Variants in JARID2 observed in about 807,000 individuals in gnomAD.
JARID2 encodes jumonji and AT-rich interaction domain containing 2.
A neutral mutation model predicts 125.6 loss-of-function variants in JARID2; 21 were observed. The ratio of observed to expected loss-of-function variants is 0.17; its 90% CI spans 0.12 to 0.24. JARID2 has a LOEUF of 0.24. Among genes scored for constraint, JARID2 ranks in the 10% least tolerant of loss-of-function variants. The pLI, the probability that JARID2 is intolerant of heterozygous loss-of-function variation, is 1.00. For missense variants in JARID2, 1,303 were observed against 1,639.6 expected, an observed-to-expected ratio of 0.79 and a Z score of 3.55; for synonymous variants, 736 against 661.6, an observed-to-expected ratio of 1.11 and a Z score of -1.73.
At chr6:15,300,929 C>G (rs1411475162) in intron 1 of JARID2, among the ~76,000 whole-genome samples, 2 of 152,082 alleles carry the variant, frequency 1.3e-5, no homozygotes, top group Non-Finnish European at 1.5e-5. Context: ...TACCCACACT[C>G]TATCAGTGGT....
chr6:15,465,065 C>T (rs1289918263), intron 4 of JARID2, among the ~76,000 whole-genome samples: 1 of 152,158 alleles, frequency 6.6e-6, no homozygotes, highest in Non-Finnish European at 1.5e-5. Flanking sequence ...TCTTTCCCAG[C>T]ACCCAGCAGG....
chr6:15,413,000 G>GTTTTT (rs1561845196), intron 3 of JARID2, among the ~76,000 whole-genome samples: 12 of 65,050 alleles, frequency 1.8e-4, no homozygotes, highest in African/African-American at 7.2e-4. Flanking sequence ...GGAAGAGCTT[G>GTTTTT]TGTTTTTGTT....
chr6:15,472,412 C>T (rs1482856528), intron 5 of JARID2, among the ~76,000 whole-genome samples: 1 of 152,102 alleles, frequency 6.6e-6, no homozygotes, highest in Non-Finnish European at 1.5e-5. Context: ...TTTTCTGAGA[C>T]TTGTAGATAA....
intron 2 of JARID2, among the ~76,000 whole-genome samples, chr6:15,406,258 A>AC (rs1765645093): frequency 6.6e-6 from 1 of 151,966 alleles, no homozygotes; most frequent in South Asian, 2.1e-4. Flanking sequence ...ACATGGTGAA[A>AC]CCCCGTCTCT....
chr6:15,468,131 G>C (rs1331540727), intron 4 of JARID2, among the ~76,000 whole-genome samples: 1 of 148,218 alleles, frequency 6.7e-6, no homozygotes, highest in East Asian at 2.0e-4. Flanking sequence ...TTTATATAAT[G>C]AAATGTTATA....
At chr6:15,455,914 C>T (rs1048490632) in intron 4 of JARID2, among the ~76,000 whole-genome samples, 3 of 152,212 alleles carry the variant, frequency 2.0e-5, no homozygotes, top group Non-Finnish European at 4.4e-5. Context: ...TTGCTGTCGG[C>T]ATTTTGCTTA....
At chr6:15,356,843 C>T (rs1420289223) in intron 1 of JARID2, among the ~76,000 whole-genome samples, 3 of 151,970 alleles carry the variant, frequency 2.0e-5, no homozygotes, top group Non-Finnish European at 2.9e-5. Context: ...GGTGAAACCC[C>T]ATCTCTATTA....
intron 16 of JARID2, among the ~76,000 whole-genome samples, chr6:15,513,628 C>A (rs1771389210): frequency 6.6e-6 from 1 of 152,216 alleles, no homozygotes; most frequent in Non-Finnish European, 1.5e-5. Context: ...CAGAGGCTGT[C>A]CCTCTGTTCT....
intron 5 of JARID2, among the ~76,000 whole-genome samples, chr6:15,471,432 T>C (rs949731108): frequency 6.6e-6 from 1 of 152,208 alleles, no homozygotes; most frequent in East Asian, 1.9e-4. Flanking sequence ...AACATGGAAT[T>C]ACCCTCATCT....
At chr6:15,254,464 A>G (rs1205102405) in intron 1 of JARID2, among the ~76,000 whole-genome samples, 2 of 152,188 alleles carry the variant, frequency 1.3e-5, no homozygotes. Context: ...AAGGCTGTCC[A>G]GATGTGTTAA....
chr6:15,261,646 G>A (rs1219051352), intron 1 of JARID2, among the ~76,000 whole-genome samples: 7 of 151,930 alleles, frequency 4.6e-5, no homozygotes, highest in Non-Finnish European at 7.4e-5. Flanking sequence ...AAGGAATGTG[G>A]TTTCTGCCAT....
intron 1 of JARID2, among the ~76,000 whole-genome samples, chr6:15,352,446 C>G (rs758129026): frequency 2.0e-4 from 30 of 152,022 alleles, no homozygotes; most frequent in Admixed American, 1.1e-3. Context: ...GTAAAAAGTC[C>G]CCAGAGGACC....
intron 2 of JARID2, among the ~76,000 whole-genome samples, chr6:15,378,982 T>G (rs547484755): frequency 8.2e-4 from 125 of 152,294 alleles, no homozygotes; most frequent in African/African-American, 2.9e-3. Flanking sequence ...ATCTGATGCC[T>G]GGGAACAGTG....
chr6:15,441,608 T>C (rs1056054316), intron 3 of JARID2, among the ~76,000 whole-genome samples: 4 of 152,076 alleles, frequency 2.6e-5, no homozygotes, highest in African/African-American at 9.7e-5. Flanking sequence ...CCCACTCTGG[T>C]CCTTCTGGGA....
intron 3 of JARID2, 39 bp from the exon 4 acceptor site, chr6:15,451,967 T>C: frequency 6.2e-7 from 1 of 1,603,138 alleles, no homozygotes; most frequent in Non-Finnish European, 8.5e-7. Flanking sequence ...TCCTCCAGTC[T>C]CTGCTTAATT....
In JARID2 at chr6:15,426,218, C is replaced by T. The variant is rs186957489; in HGVS notation, c.323+15853C>T. ...ACTCTTAATAATCCTCGAGTGGGGC[C>T]GAGGTTTGACAAGTGAAGGGTTCTT... On this transcript the variant is annotated intron_variant, in intron 3 of 17. Coordinates refer to ENST00000341776, the MANE Select transcript of JARID2 (RefSeq NM_004973.4). 2.3e-4 allele frequency among the ~76,000 whole-genome samples: 35 copies of T among 152,166 alleles called. No individual in the cohort carries two copies. The East Asian group carries it at 6.0e-3, about 26-fold the overall frequency.
At chr6:15,366,728 C>G (rs1763992752) in intron 1 of JARID2, among the ~76,000 whole-genome samples, 1 of 152,086 alleles carries the variant, frequency 6.6e-6, no homozygotes, top group Non-Finnish European at 1.5e-5. Context: ...CCTTTGATGT[C>G]CTGTGCCCCT....
At chr6:15,305,271 CTTTA>C (rs976706814) in intron 1 of JARID2, among the ~76,000 whole-genome samples, 42 of 152,218 alleles carry the variant, frequency 2.8e-4, no homozygotes, top group African/African-American at 9.9e-4. Flanking sequence ...ACTGTCCCTC[CTTTA>C]TGTAGCGTAA....
At chr6:15,380,638 T>A (rs1764544518) in intron 2 of JARID2, among the ~76,000 whole-genome samples, 1 of 152,110 alleles carries the variant, frequency 6.6e-6, no homozygotes, top group Non-Finnish European at 1.5e-5. Flanking sequence ...CAAGGACCAG[T>A]ATTGGAAGCG....
Sources: allele counts gnomAD v4.1 joint callset (sites outside exome capture counted in the v4.1 genomes callset), GRCh38; gene constraint gnomAD v4.1.1; transcripts MANE v1.5; gene names NCBI Gene and HGNC (gene_info 2026-07-23, HGNC 2026-07-21).